Variants in CSMD1 observed in about 807,000 individuals in gnomAD.
CSMD1 encodes CUB and sushi domain-containing protein 1.
CSMD1 carries 213 observed loss-of-function variants against 417.5 expected under a neutral mutation model. The observed-to-expected ratio is 0.51, with a 90% CI of 0.46 to 0.57. The LOEUF (loss-of-function observed/expected upper bound fraction) is 0.57, where lower values mean the gene tolerates loss of function less well. CSMD1 is among the 20% of genes least tolerant of loss of function. CSMD1 has a pLI of 0.00. For missense variants in CSMD1, 6,923 were observed against 4,529.7 expected (o/e 1.53, Z -15.17); for synonymous variants, 2,862 against 1,736.8 (o/e 1.65, Z -16.11).
intron 5 of CSMD1, among the ~76,000 whole-genome samples, chr8:3,846,229 T>C (rs1308598234): frequency 6.6e-6 from 1 of 152,154 alleles, no homozygotes; most frequent in African/African-American, 2.4e-5. Flanking sequence ...ACCAGCATCA[T>C]CACAGATACG....
At chr8:3,290,900 T>C (rs1012979773) in intron 25 of CSMD1, among the ~76,000 whole-genome samples, 2 of 152,168 alleles carry the variant, frequency 1.3e-5, no homozygotes, top group African/African-American at 4.8e-5. Context: ...CCTGGTCTTG[T>C]GCCTGTTTTC....
intron 20 of CSMD1, among the ~76,000 whole-genome samples, chr8:3,361,047 A>G (rs562447402): frequency 8.5e-5 from 13 of 152,256 alleles, no homozygotes; most frequent in African/African-American, 3.1e-4. Flanking sequence ...TCTACTCTGG[A>G]TCTGTAAAAC....
chr8:4,050,187 G>A (rs1053732963), intron 3 of CSMD1, among the ~76,000 whole-genome samples: 17 of 152,126 alleles, frequency 1.1e-4, no homozygotes, highest in African/African-American at 4.1e-4. Context: ...CACTCTGGAT[G>A]TTGACTTGAT....
At chr8:4,448,804 G>T (rs547188492) in intron 2 of CSMD1, among the ~76,000 whole-genome samples, 1 of 152,150 alleles carries the variant, frequency 6.6e-6, no homozygotes, top group East Asian at 1.9e-4. Flanking sequence ...GAAGGAGACA[G>T]AAACCTAATT....
At chr8:4,964,377 G>A (rs1487908226) in intron 1 of CSMD1, among the ~76,000 whole-genome samples, 10 of 151,676 alleles carry the variant, frequency 6.6e-5, no homozygotes, top group Admixed American at 5.9e-4. Context: ...AAATAAGCCG[G>A]GTCTAGTGGC....
intron 3 of CSMD1, among the ~76,000 whole-genome samples, chr8:4,168,510 C>A (rs1003555814): frequency 2.6e-5 from 4 of 152,034 alleles, no homozygotes; most frequent in Non-Finnish European, 5.9e-5. Flanking sequence ...ACATGCAACA[C>A]TAGATTAAAA....
intron 1 of CSMD1, among the ~76,000 whole-genome samples, chr8:4,966,576 A>C (rs1280251833): frequency 6.6e-6 from 1 of 152,138 alleles, no homozygotes; most frequent in East Asian, 1.9e-4. Flanking sequence ...TGTCACACTG[A>C]CATGCTAAAT....
In CSMD1 at chr8:4,462,185, A is replaced by C. The variant is rs370369395; in HGVS notation, c.303-42120T>G. On this transcript the variant is annotated intron_variant, in intron 2 of 69. Transcript: ENST00000635120. ...CCACCACACTCAGCCACAAAAAGCAATTGTATTTATCCACAATAGTAATAA... is the reference window on the plus strand; with the variant it reads ...CCACCACACTCAGCCACAAAAAGCACTTGTATTTATCCACAATAGTAATAA... Among the ~76,000 whole-genome samples, 143 of 152,260 alleles carry C rather than the reference A, an allele frequency of 9.4e-4. 6 individuals carry two copies. In the South Asian group the frequency reaches 0.02, roughly 21 times the overall value.
At chr8:3,831,812 G>A (rs1007268978) in intron 5 of CSMD1, among the ~76,000 whole-genome samples, 6 of 152,104 alleles carry the variant, frequency 3.9e-5, no homozygotes, top group Non-Finnish European at 5.9e-5. Context: ...GTGAAATGCT[G>A]CCCATCATAA....
chr8:3,254,480 G>C (rs981841048), intron 26 of CSMD1, among the ~76,000 whole-genome samples: 23 of 152,100 alleles, frequency 1.5e-4, no homozygotes, highest in Non-Finnish European at 2.9e-4. Flanking sequence ...TTTCCAACTT[G>C]GTTCCATTCT....
At chr8:4,133,046 C>G (rs1423396507) in intron 3 of CSMD1, among the ~76,000 whole-genome samples, 1 of 152,104 alleles carries the variant, frequency 6.6e-6, no homozygotes, top group African/African-American at 2.4e-5. Context: ...CGATTCTTTT[C>G]TGCCTCAGCC....
At chr8:4,767,797 C>T (rs1563334327) in intron 1 of CSMD1, among the ~76,000 whole-genome samples, 1 of 152,134 alleles carries the variant, frequency 6.6e-6, no homozygotes, top group Non-Finnish European at 1.5e-5. Context: ...TTGGTGTTCC[C>T]AAACACTTAT....
intron 5 of CSMD1, among the ~76,000 whole-genome samples, chr8:3,771,347 A>G (rs1798563364): frequency 6.6e-6 from 1 of 152,202 alleles, no homozygotes; most frequent in African/African-American, 2.4e-5. Flanking sequence ...AAGAACGCTT[A>G]GAAATTCAGA....
chr8:3,315,945 C>T (rs1805723762), intron 23 of CSMD1, among the ~76,000 whole-genome samples: 1 of 152,154 alleles, frequency 6.6e-6, no homozygotes, highest in Admixed American at 6.5e-5. Context: ...TTGTGCAGAG[C>T]TTCCAGCAGG....
At chr8:4,074,425 G>A (rs1262809777) in intron 3 of CSMD1, among the ~76,000 whole-genome samples, 1 of 151,920 alleles carries the variant, frequency 6.6e-6, no homozygotes, top group South Asian at 2.1e-4. Flanking sequence ...TAAGTTTTTT[G>A]TACATGATTA....
At chr8:3,867,130 T>C (rs2129109354) in intron 5 of CSMD1, among the ~76,000 whole-genome samples, 1 of 152,314 alleles carries the variant, frequency 6.6e-6, no homozygotes, top group East Asian at 1.9e-4. Context: ...TACTATACTG[T>C]TTTTCCACTG....
chr8:4,914,747 T>C (rs577082582), intron 1 of CSMD1, among the ~76,000 whole-genome samples: 8 of 152,180 alleles, frequency 5.3e-5, no homozygotes, highest in African/African-American at 1.9e-4. Context: ...GAGGCTAATG[T>C]GTTTTCTCAG....
chr8:4,645,012 T>G (rs1803434364), intron 1 of CSMD1, among the ~76,000 whole-genome samples: 1 of 152,188 alleles, frequency 6.6e-6, no homozygotes, highest in South Asian at 2.1e-4. Flanking sequence ...TAAATCTATA[T>G]TCTGGTTAGT....
rs192399442 is a variant in CSMD1 at position 4,033,345 on chromosome 8, G to C, written c.416-1246C>G. Among the ~76,000 whole-genome samples, 884 of 152,232 alleles carry C rather than the reference G, an allele frequency of 5.8e-3. 3 individuals are homozygous for C. The highest frequency in any genetic ancestry group is 9.5e-3 in the Non-Finnish European group (645 of 68,010). ...TAGTCCCAGCTACTTGGGAGGCTGA[G>C]GCAGGAGAATGGCGTGAACCCGGGA... On this transcript the variant is annotated intron_variant, in intron 3 of 69. Transcript: ENST00000635120.
Sources: gnomAD v4.1 joint callset for allele counts (sites outside exome capture counted in the v4.1 genomes callset) on GRCh38, gnomAD v4.1.1 for gene constraint, MANE v1.5 for transcripts, NCBI Gene and HGNC (gene_info 2026-07-23, HGNC 2026-07-21) for gene names.